Variants in C13orf42 observed in about 807,000 individuals in gnomAD.
C13orf42 encodes uncharacterized protein C13orf42.
At chr13:51,103,081 A>T (rs1953310206) in intron 1 of C13orf42, among the ~76,000 whole-genome samples, 1 of 152,168 alleles carries the variant, frequency 6.6e-6, no homozygotes, top group African/African-American at 2.4e-5. Context: ...ACCCCGCCTG[A>T]GAAAATGTCC....
At chr13:51,125,045 A>G (rs1383998895) in intron 1 of C13orf42, among the ~76,000 whole-genome samples, 1 of 152,068 alleles carries the variant, frequency 6.6e-6, no homozygotes, top group Non-Finnish European at 1.5e-5. Context: ...TTTTCTTCTC[A>G]AGTCTTAGCT....
At chr13:51,143,178 AG>A (rs903816811) in intron 1 of C13orf42, among the ~76,000 whole-genome samples, 11 of 152,204 alleles carry the variant, frequency 7.2e-5, no homozygotes, top group African/African-American at 2.7e-4. Flanking sequence ...CAGCAATTAA[AG>A]CCTCATCTTC....
At chr13:51,128,207 C>T (rs894638655) in intron 1 of C13orf42, among the ~76,000 whole-genome samples, 5 of 152,254 alleles carry the variant, frequency 3.3e-5, no homozygotes, top group Admixed American at 6.5e-5. Flanking sequence ...CTTGGGGCTG[C>T]TCTGCCTATG....
At chr13:51,097,851 C>A (rs1953251623) in intron 1 of C13orf42, among the ~76,000 whole-genome samples, 3 of 152,106 alleles carry the variant, frequency 2.0e-5, no homozygotes, top group Admixed American at 2.0e-4. Context: ...TCACAGGGTC[C>A]ATGTCCCTTT....
At chr13:51,136,838 A>G (rs949697145) in intron 1 of C13orf42, among the ~76,000 whole-genome samples, 26 of 152,242 alleles carry the variant, frequency 1.7e-4, no homozygotes, top group Admixed American at 1.3e-4. Flanking sequence ...ATTCATCAGC[A>G]AAGATTCAAC....
chr13:51,094,729 A>G (rs1226147340), intron 1 of C13orf42, among the ~76,000 whole-genome samples: 2 of 152,178 alleles, frequency 1.3e-5, no homozygotes, highest in Admixed American at 6.5e-5. Flanking sequence ...TCATGTTTTA[A>G]AAGATATTTC....
chr13:51,084,560 T>G (rs1953101599), intron 3 of C13orf42, among the ~76,000 whole-genome samples: 1 of 152,228 alleles, frequency 6.6e-6, no homozygotes, highest in Non-Finnish European at 1.5e-5. Flanking sequence ...GATTTTAATA[T>G]GTCCAGTGCA....
intron 2 of C13orf42, among the ~76,000 whole-genome samples, chr13:51,085,972 G>A (rs557006633): frequency 6.6e-6 from 1 of 152,014 alleles, no homozygotes; most frequent in East Asian, 1.9e-4. Context: ...AGCCGAGACT[G>A]TACCACTGCA....
At chr13:51,118,178 A>T (rs923963746) in intron 1 of C13orf42, among the ~76,000 whole-genome samples, 1 of 152,210 alleles carries the variant, frequency 6.6e-6, no homozygotes, top group Admixed American at 6.5e-5. Context: ...TAGATGGCTC[A>T]GTTTCATTTG....
intron 1 of C13orf42, among the ~76,000 whole-genome samples, chr13:51,149,480 A>G (rs1593552782): frequency 6.6e-6 from 1 of 152,312 alleles, no homozygotes; most frequent in East Asian, 1.9e-4. Flanking sequence ...GCCATTTTGA[A>G]CAATGCTGTA....
intron 1 of C13orf42, among the ~76,000 whole-genome samples, chr13:51,153,523 A>C (rs1474642514): frequency 6.6e-6 from 1 of 151,832 alleles, no homozygotes; most frequent in Non-Finnish European, 1.5e-5. Flanking sequence ...TGTAGTAAAA[A>C]TTATGTAACA....
At chr13:51,096,727 CTGTGTG>C (rs1163795485) in intron 1 of C13orf42, among the ~76,000 whole-genome samples, 1 of 152,152 alleles carries the variant, frequency 6.6e-6, no homozygotes, top group Non-Finnish European at 1.5e-5. Context: ...TAATGCTTTT[CTGTGTG>C]ATTATGCCTT....
upstream of C13orf42, among the ~76,000 whole-genome samples, chr13:51,114,645 T>TAGATAGAG (rs777778293): frequency 0.024 from 2,950 of 120,480 alleles, 100 homozygotes; most frequent in African/African-American, 0.085. Flanking sequence ...GATAGATAGA[T>TAGATAGAG]AGAGATAGAC....
At chr13:51,137,760 G>C (rs541161201) in intron 1 of C13orf42, among the ~76,000 whole-genome samples, 1 of 152,224 alleles carries the variant, frequency 6.6e-6, no homozygotes, top group African/African-American at 2.4e-5. Context: ...GAAGTTTTAG[G>C]AAAGCCAGAA....
intron 1 of C13orf42, among the ~76,000 whole-genome samples, chr13:51,091,789 T>C (rs1244232609): frequency 6.6e-6 from 1 of 152,144 alleles, no homozygotes; most frequent in Non-Finnish European, 1.5e-5. Context: ...CCTCAAATCC[T>C]GGTTATACTC....
intron 1 of C13orf42, among the ~76,000 whole-genome samples, chr13:51,125,263 T>C (rs925143757): frequency 6.6e-6 from 1 of 152,226 alleles, no homozygotes; most frequent in Admixed American, 6.5e-5. Context: ...TCCTGACCTA[T>C]AATTGCATTA....
intron 1 of C13orf42, among the ~76,000 whole-genome samples, chr13:51,125,075 C>T (rs1953565298): frequency 6.6e-6 from 1 of 152,116 alleles, no homozygotes; most frequent in African/African-American, 2.4e-5. Context: ...GCCTAAAGAT[C>T]GTTTCAGAGC....
chr13:51,132,047 T>C (rs778941597), intron 1 of C13orf42, among the ~76,000 whole-genome samples: 15 of 152,232 alleles, frequency 9.9e-5, no homozygotes, highest in Non-Finnish European at 1.8e-4. Flanking sequence ...TTCCAATAGT[T>C]GCCCAGTTCA....
In C13orf42 at chr13:51,084,337, G is replaced by GA. The variant is rs1325814701; in HGVS notation, c.804-13dup. On this transcript the variant is annotated splice_polypyrimidine_tract_variant and intron_variant, in intron 3 of 3. Transcript: ENST00000563710. ...TGGAGCTCCCCAGGCTAGAAGGAAG[G>GA]AATGAGGCAGGAGGTTTAAGTTCGG... 9 of 398,674 alleles carry GA rather than the reference G, an allele frequency of 2.3e-5. No individual in the cohort carries two copies. Among genetic ancestry groups the GA allele is most frequent in the African/African-American group, 1.8e-4 (9 of 48,650 alleles). The allele number at this position is 398,674 out of a possible 1,614,324, so 24.7% of individuals were successfully genotyped here.
Sources: gnomAD v4.1 joint callset for allele counts (sites outside exome capture counted in the v4.1 genomes callset) on GRCh38, gnomAD v4.1.1 for gene constraint, MANE v1.5 for transcripts, NCBI Gene and HGNC (gene_info 2026-07-23, HGNC 2026-07-21) for gene names.